Variants in CRYZL1 observed in about 807,000 individuals in gnomAD.
CRYZL1 encodes crystallin zeta like 1, also known as ferry endosomal RAB5 effector complex subunit 4.
In CRYZL1, 34 loss-of-function variants were observed where a neutral mutation model predicts 50.6. The ratio of observed to expected loss-of-function variants is 0.67; its 90% CI spans 0.51 to 0.89. The LOEUF (loss-of-function observed/expected upper bound fraction) is 0.89. Ranked by LOEUF, CRYZL1 falls within the 40% of genes least tolerant of loss-of-function variation. The pLI, the probability that CRYZL1 is intolerant of heterozygous loss-of-function variation, is 0.00. For missense variants in CRYZL1, 354 were observed against 402.3 expected (o/e 0.88, Z 1.03); for synonymous variants, 125 against 134.3 (o/e 0.93, Z 0.48).
intron 11 of CRYZL1, among the ~76,000 whole-genome samples, chr21:33,592,170 G>GC (rs1458184075): frequency 1.3e-5 from 2 of 148,466 alleles, no homozygotes; most frequent in Non-Finnish European, 3.0e-5. Context: ...TGAGACAGGG[G>GC]CCCCCTCTGT....
chr21:33,610,192 G>A (rs751601307), intron 6 of CRYZL1, among the ~76,000 whole-genome samples: 6 of 148,808 alleles, frequency 4.0e-5, no homozygotes, highest in Non-Finnish European at 9.0e-5. Context: ...TTGAGACAGA[G>A]TCTTGCTCTG....
chr21:33,631,947 G>T (rs1398778413), intron 1 of CRYZL1, among the ~76,000 whole-genome samples: 2 of 152,082 alleles, frequency 1.3e-5, no homozygotes, highest in Non-Finnish European at 2.9e-5. Context: ...CATTAAAAAG[G>T]AGAAAGTGAA....
intron 6 of CRYZL1, among the ~76,000 whole-genome samples, chr21:33,610,024 A>T (rs2086854678): frequency 1.3e-5 from 2 of 148,232 alleles, no homozygotes; most frequent in Non-Finnish European, 1.5e-5. Flanking sequence ...TTTTTTACAA[A>T]ATTTTATTTG....
rs140637802 is a variant in CRYZL1 at position 33,633,474 on chromosome 21, G to A, written c.-6-1917C>T. Among the ~76,000 whole-genome samples the A allele has an allele frequency of 2.9e-3, 445 of 152,126 alleles. 4 individuals carry two copies. Among genetic ancestry groups the A allele is most frequent in the African/African-American group, 0.01 (419 of 41,490 alleles). On this transcript the variant is annotated intron_variant, in intron 1 of 12. Coordinates refer to ENST00000381554, the MANE Select transcript of CRYZL1 (RefSeq NM_145858.3). Reference sequence around the variant, plus strand: ...TCTTGCTCTGTCGCCAGGCTGGAGGGCGCAGTCTCGGCTCACTGCAACCTC... The same window carrying A: ...TCTTGCTCTGTCGCCAGGCTGGAGGACGCAGTCTCGGCTCACTGCAACCTC...
At chr21:33,606,076 C>G (rs533214412) in intron 6 of CRYZL1, among the ~76,000 whole-genome samples, 1 of 152,272 alleles carries the variant, frequency 6.6e-6, no homozygotes, top group African/African-American at 2.4e-5. Context: ...ATAGCACACA[C>G]AGTACTTTAT....
At chr21:33,598,134 C>T (rs2086714647) in intron 9 of CRYZL1, among the ~76,000 whole-genome samples, 1 of 151,950 alleles carries the variant, frequency 6.6e-6, no homozygotes, top group South Asian at 2.1e-4. Context: ...AACACATAAC[C>T]AAATCTGACA....
At chr21:33,620,636 C>A (rs1384109374) in intron 4 of CRYZL1, among the ~76,000 whole-genome samples, 2 of 151,586 alleles carry the variant, frequency 1.3e-5, no homozygotes, top group East Asian at 3.9e-4. Context: ...CATGGTGAAA[C>A]CCCGTCTCTA....
intron 8 of CRYZL1, among the ~76,000 whole-genome samples, chr21:33,599,982 T>TA (rs1183357528): frequency 6.6e-5 from 10 of 152,020 alleles, no homozygotes; most frequent in African/African-American, 2.2e-4. Flanking sequence ...TCTTTAGAGC[T>TA]AAAAAACATA....
chr21:33,637,520 G>A (rs1041697358), intron 1 of CRYZL1, among the ~76,000 whole-genome samples: 1 of 150,918 alleles, frequency 6.6e-6, no homozygotes, highest in South Asian at 2.1e-4. Flanking sequence ...GGGCTGTGGC[G>A]ATAGGCTGCC....
chr21:33,627,495 A>G (rs1451463837), intron 2 of CRYZL1, among the ~76,000 whole-genome samples: 1 of 152,206 alleles, frequency 6.6e-6, no homozygotes, highest in East Asian at 1.9e-4. Flanking sequence ...ATTTACATAT[A>G]ACACTTACTT....
At chr21:33,602,399 C>T (rs1478643058) in intron 7 of CRYZL1, 54 bp from the exon 8 acceptor site, 10 of 713,272 alleles carry the variant, frequency 1.4e-5, no homozygotes, top group Admixed American at 9.2e-5. Flanking sequence ...GAGGCCATAT[C>T]GAATTGATTT....
chr21:33,615,724 G>C (rs2086922460), intron 5 of CRYZL1, among the ~76,000 whole-genome samples: 1 of 152,094 alleles, frequency 6.6e-6, no homozygotes, highest in Non-Finnish European at 1.5e-5. Flanking sequence ...TAAGAGAAAA[G>C]CTCTGTATGA....
At chr21:33,629,805 G>C (rs1364351599) in intron 2 of CRYZL1, among the ~76,000 whole-genome samples, 2 of 152,146 alleles carry the variant, frequency 1.3e-5, no homozygotes, top group East Asian at 3.8e-4. Context: ...TCCTTGCCTT[G>C]TTCCAGATTT....
chr21:33,616,679 G>C lies in CRYZL1; in HGVS notation c.262+27C>G, dbSNP rs766525692. 14 of 1,607,496 alleles carry C rather than the reference G, an allele frequency of 8.7e-6. No homozygotes were observed. The Admixed American group carries it at 1.0e-4, about 12-fold the overall frequency. Reference sequence around the variant, plus strand: ...GAGATGACGGTAAAATAGATGACTTGAAATAAGACTATGAACTATAACTTA... The same window carrying C: ...GAGATGACGGTAAAATAGATGACTTCAAATAAGACTATGAACTATAACTTA... On this transcript the variant is annotated intron_variant, in intron 5 of 12. Transcript: ENST00000381554.
intron 1 of CRYZL1, chr21:33,640,043 C>CTCGA: frequency 9.2e-7 from 1 of 1,089,290 alleles, no homozygotes; most frequent in South Asian, 1.5e-5. Context: ...CCAGGCTGGT[C>CTCGA]TCGAACTCCT....
At chr21:33,636,961 T>A (rs1351372309) in intron 1 of CRYZL1, among the ~76,000 whole-genome samples, 1 of 152,074 alleles carries the variant, frequency 6.6e-6, no homozygotes, top group Non-Finnish European at 1.5e-5. Context: ...CGCCCGCCAC[T>A]GCGCCCGGCT....
chr21:33,597,507 G>A, intron 9 of CRYZL1, 106 bp from the exon 10 acceptor site: 1 of 915,456 alleles, frequency 1.1e-6, no homozygotes, highest in South Asian at 1.7e-5. Context: ...TTAGAGACAA[G>A]GTCTTACTAT....
intron 4 of CRYZL1, among the ~76,000 whole-genome samples, chr21:33,619,808 C>A (rs1407833971): frequency 2.0e-5 from 3 of 152,206 alleles, no homozygotes; most frequent in Admixed American, 6.5e-5. Flanking sequence ...TATACACATC[C>A]CACTTTCACT....
chr21:33,599,109 T>TA (rs1388969956), intron 9 of CRYZL1, 41 bp downstream of exon 9: 5 of 1,582,672 alleles, frequency 3.2e-6, no homozygotes, highest in Non-Finnish European at 4.3e-6. Flanking sequence ...TTCATCAAAC[T>TA]AAAAAAACTA....
Sources: gnomAD v4.1 joint callset for allele counts (sites outside exome capture counted in the v4.1 genomes callset) on GRCh38, gnomAD v4.1.1 for gene constraint, MANE v1.5 for transcripts, NCBI Gene and HGNC (gene_info 2026-07-23, HGNC 2026-07-21) for gene names.